Variants in F3 observed in about 807,000 individuals in gnomAD.
F3 encodes the protein coagulation factor III, tissue factor.
A neutral mutation model predicts 33.5 loss-of-function variants in F3; 18 were observed. The ratio of observed to expected loss-of-function variants is 0.54; its 90% CI spans 0.37 to 0.80. F3 has a LOEUF of 0.80. F3 is among the 30% of genes least tolerant of loss of function. F3 has a pLI of 0.00. For synonymous variants in F3, 147 were observed against 140.7 expected, an observed-to-expected ratio of 1.05 and a Z score of -0.32; for missense variants, 353 against 362.1, an observed-to-expected ratio of 0.97 and a Z score of 0.20.
chr1:94,533,063 C>A, intron 4 of F3, 27 bp downstream of exon 4: 2 of 1,602,162 alleles, frequency 1.2e-6, no homozygotes, highest in South Asian at 2.3e-5. Flanking sequence ...TAAAACAGGT[C>A]ATAAAAACAA....
intron 2 of F3, among the ~76,000 whole-genome samples, 166 bp downstream of exon 2, chr1:94,540,091 A>G (rs1001111121): frequency 2.3e-4 from 35 of 152,268 alleles, no homozygotes; most frequent in Non-Finnish European, 5.9e-5. Flanking sequence ...GAAATGTTGC[A>G]GGCCTAATAG....
At chr1:94,536,743 T>A (rs1651620612) in intron 2 of F3, among the ~76,000 whole-genome samples, 1 of 152,288 alleles carries the variant, frequency 6.6e-6, no homozygotes, top group South Asian at 2.1e-4. Context: ...TTATTATAGT[T>A]GTTTGTTATA....
At chr1:94,538,003 CT>C (rs1651663733) in intron 2 of F3, among the ~76,000 whole-genome samples, 1 of 152,142 alleles carries the variant, frequency 6.6e-6, no homozygotes, top group Non-Finnish European at 1.5e-5. Context: ...ACCACATACT[CT>C]ATAGCAAAAT....
At chr1:94,533,916 G>A (rs938951886) in intron 3 of F3, among the ~76,000 whole-genome samples, 2 of 151,248 alleles carry the variant, frequency 1.3e-5, no homozygotes, top group Middle Eastern at 6.8e-3. Context: ...ACCCAGGCCG[G>A]AGTGCAGTGG....
intron 5 of F3, 143 bp from the exon 6 acceptor site, chr1:94,530,739 T>C (rs1337214522): frequency 1.1e-6 from 1 of 947,644 alleles, no homozygotes; most frequent in Admixed American, 2.5e-5. Context: ...ACACTTACAT[T>C]AGGAAAGAAT....
chr1:94,533,002 T>C (rs1396061725), intron 4 of F3, 88 bp downstream of exon 4: 6 of 1,339,834 alleles, frequency 4.5e-6, no homozygotes, highest in Non-Finnish European at 6.2e-6. Context: ...TCTGTTCTGC[T>C]ATTTTTGAAT....
intron 4 of F3, 70 bp downstream of exon 4, chr1:94,533,020 G>T (rs1651477195): frequency 2.0e-6 from 3 of 1,463,760 alleles, no homozygotes; most frequent in Non-Finnish European, 2.8e-6. Context: ...AATTGGGGAA[G>T]AAATGGGTTG....
chr1:94,538,439 A>G (rs1651674695), intron 2 of F3, among the ~76,000 whole-genome samples: 1 of 152,202 alleles, frequency 6.6e-6, no homozygotes, highest in African/African-American at 2.4e-5. Flanking sequence ...CAGTAGTGAG[A>G]GCAGTCGGGA....
chr1:94,536,170 G>A lies in F3; in HGVS notation c.213-6C>T. On this transcript the variant is annotated splice_region_variant and splice_polypyrimidine_tract_variant and intron_variant, in intron 2 of 5. Transcript: ENST00000334047. ...TCCAATCTCCTGACTTAGTGCTAAA[G>A]AAAGAAAAGAAGGAAGAAACATAAA... The A allele has an allele frequency of 6.2e-7, 1 of 1,613,140 alleles. No individual in the cohort carries two copies. Among genetic ancestry groups the A allele is most frequent in the Non-Finnish European group, 8.5e-7 (1 of 1,179,472 alleles).
At position 94,532,400 on chromosome 1, in the gene F3, C is replaced by A; in HGVS notation, c.672G>T (p.Val224=). 6.2e-7 allele frequency: 1 copy of A among 1,614,172 alleles called. No homozygotes were observed. The highest frequency in any genetic ancestry group is 2.2e-5 in the East Asian group (1 of 44,878). ...GENYCFSVQA[V]IPSRTVNRKS... ...TCCGGTTAACTGTTCGGGAGGGAAT[C>A]ACTGCTTGAACACTGAAACAGTAGT... is the stretch of plus-strand genomic sequence containing the variant. Residue 224 remains valine (V), a synonymous_variant, in exon 5 of 6, where the codon GTG becomes GTT. Transcript: ENST00000334047.
Position 94,541,584 on chromosome 1 carries a change from C to G in F3, c.53G>C (p.Arg18Pro), listed in dbSNP as rs1651780886. The G allele has an allele frequency of 1.4e-6, 2 of 1,478,152 alleles. No homozygotes were observed. The highest frequency in any genetic ancestry group is 1.8e-6 in the Non-Finnish European group (2 of 1,111,538). The allele number at this position is 1,478,152 out of a possible 1,614,324, so 91.6% of individuals were successfully genotyped here. A position where few individuals can be genotyped will look rare whatever the true frequency, so the allele number is the denominator to read the frequency against. ...RVPRPETAVA[R>P]TLLLGWVFAQ... ...GAAGACCCAGCCGAGCAGGAGCGTCCGAGCGACGGCGGTCTCGGGGCGCGG... is the reference window on the plus strand; with the variant it reads ...GAAGACCCAGCCGAGCAGGAGCGTCGGAGCGACGGCGGTCTCGGGGCGCGG... The change falls in exon 1 of 6, where the codon CGG (arginine) becomes CCG (proline). Residue 18 changes from arginine to proline, a missense_variant. Transcript: ENST00000334047.
chr1:94,535,172 C>T (rs1186996882), intron 3 of F3, among the ~76,000 whole-genome samples: 1 of 152,116 alleles, frequency 6.6e-6, no homozygotes, highest in African/African-American at 2.4e-5. Flanking sequence ...GGGCCTAACA[C>T]TCACACAACA....
Position 94,530,280 on chromosome 1 carries a change from A to G in F3, c.*180T>C. 2 of 664,406 alleles carry G rather than the reference A, an allele frequency of 3.0e-6. No individual in the cohort carries two copies. Among genetic ancestry groups the G allele is most frequent in the African/African-American group, 3.6e-5 (2 of 55,650 alleles). 41.2% of individuals were successfully genotyped at this position (664,406 alleles called of 1,614,324 possible). On this transcript the variant is annotated 3_prime_UTR_variant, in exon 6 of 6. Transcript: ENST00000334047. ...GTACCATTCGTTACATTTCAAAGTG[A>G]CTAATGCTGATGTCAAAACCAGAAT...
rs1651355936 is a variant in F3 at position 94,529,673 on chromosome 1, A to C, written c.*787T>G. On this transcript the variant is annotated 3_prime_UTR_variant, in exon 6 of 6. Transcript: ENST00000334047. ...TGAATTTCCAAATGTATTCCTGAAA[A>C]AAAAAAGAACCTAAACACTATATTA... 1 of 152,586 alleles carries C rather than the reference A, an allele frequency of 6.6e-6. No homozygotes were observed. 9.5% of individuals were successfully genotyped at this position (152,586 alleles called of 1,614,324 possible).
At position 94,530,187 on chromosome 1, in the gene F3, A is replaced by G. The variant is rs1187085351; in HGVS notation, c.*273T>C. On this transcript the variant is annotated 3_prime_UTR_variant, in exon 6 of 6. Transcript: ENST00000334047. ...TGGTTACTCCTTGAGTGCGGAATAT[A>G]TAATCTAAAGCATGTTATGTGCAAA... The G allele has an allele frequency of 3.5e-6, 1 of 283,360 alleles. No individual in the cohort carries two copies. The highest frequency in any genetic ancestry group is 4.8e-5 in the Admixed American group (1 of 20,950). 17.6% of individuals were successfully genotyped at this position (283,360 alleles called of 1,614,324 possible).
At position 94,534,158 on chromosome 1, in the gene F3, T is replaced by C. The variant is rs1362834824; in HGVS notation, c.413-890A>G. 5.3e-5 allele frequency among the ~76,000 whole-genome samples: 8 copies of C among 152,322 alleles called. No individual in the cohort carries two copies. In the South Asian group the frequency reaches 1.7e-3, roughly 32 times the overall value. On this transcript the variant is annotated intron_variant, in intron 3 of 5. Transcript: ENST00000334047. ...CTGAGATTACAGGCACGAGCCACCA[T>C]GCCCAGCCTCTTTTCCTTATAATTT...
rs1651352259 is a variant in F3, at chr1:94,529,602, A to C, written c.*858T>G. 1 of 152,558 alleles carries C rather than the reference A, an allele frequency of 6.6e-6. No homozygotes were observed. Among genetic ancestry groups the C allele is most frequent in the Admixed American group, 6.5e-5 (1 of 15,270 alleles). The allele number at this position is 152,558 out of a possible 1,614,324, so 9.5% of individuals were successfully genotyped here. The stretch of plus-strand genomic sequence containing the variant: ...TATTAGGAAGGTGCCCAGAATACCA[A>C]TGTCTCCTGCACTTAACACATTAAT... On this transcript the variant is annotated 3_prime_UTR_variant, in exon 6 of 6. Transcript: ENST00000334047.
intron 2 of F3, among the ~76,000 whole-genome samples, chr1:94,536,418 T>C (rs528680322): frequency 6.6e-6 from 1 of 152,278 alleles, no homozygotes; most frequent in Non-Finnish European, 1.5e-5. Context: ...GTGTGAGCCA[T>C]CATACCTAGC....
chr1:94,534,048 G>A (rs1040331401), intron 3 of F3, among the ~76,000 whole-genome samples: 1 of 151,932 alleles, frequency 6.6e-6, no homozygotes, highest in African/African-American at 2.4e-5. Flanking sequence ...TGTATTTTTA[G>A]TAGAGATGGG....
Sources: gnomAD v4.1 joint callset for allele counts (sites outside exome capture counted in the v4.1 genomes callset) on GRCh38, gnomAD v4.1.1 for gene constraint, MANE v1.5 for transcripts, NCBI Gene and HGNC (gene_info 2026-07-23, HGNC 2026-07-21) for gene names.